Variants in GALNTL6 observed in about 807,000 individuals in gnomAD.
GALNTL6 encodes polypeptide N-acetylgalactosaminyltransferase like 6, also known as polypeptide N-acetylgalactosaminyltransferase-like 6.
Under a neutral mutation model 73.7 loss-of-function variants are expected in GALNTL6, and 46 were observed. The ratio of observed to expected loss-of-function variants is 0.62; its 90% CI spans 0.49 to 0.80. GALNTL6 has a LOEUF of 0.80. GALNTL6 is among the 30% of genes least tolerant of loss of function. GALNTL6 has a pLI of 0.00. For synonymous variants in GALNTL6, 259 were observed against 263.7 expected, an observed-to-expected ratio of 0.98 and a Z score of 0.17; for missense variants, 604 against 755.0, an observed-to-expected ratio of 0.80 and a Z score of 2.34.
intron 5 of GALNTL6, among the ~76,000 whole-genome samples, chr4:172,673,507 T>C (rs191069302): frequency 6.6e-6 from 1 of 152,294 alleles, no homozygotes; most frequent in East Asian, 1.9e-4. Flanking sequence ...CAGTGCTGAG[T>C]TCAGGTCCTA....
At chr4:172,135,766 TAATC>T (rs143423503) in intron 2 of GALNTL6, among the ~76,000 whole-genome samples, 67,153 of 151,460 alleles carry the variant, frequency 0.44, 15,495 homozygotes, top group African/African-American at 0.56. Context: ...AATACAATAA[TAATC>T]AATATATGAG....
rs556094960 is a variant in GALNTL6 at position 172,194,048 on chromosome 4, A to G, written c.139-35608A>G. ...GTAGTAACAAACTTCTTTGAGCTAC[A>G]GGAGTATGTTCTGACCCAAAGCAAA... On this transcript the variant is annotated intron_variant, in intron 2 of 12. Coordinates refer to ENST00000506823, the MANE Select transcript of GALNTL6 (RefSeq NM_001034845.3). Among the ~76,000 whole-genome samples the G allele has an allele frequency of 4.6e-5, 7 of 152,302 alleles. No homozygotes were observed. The South Asian group carries it at 1.2e-3, about 27-fold the overall frequency.
intron 2 of GALNTL6, among the ~76,000 whole-genome samples, chr4:172,164,258 A>G (rs924777054): frequency 6.6e-6 from 1 of 152,076 alleles, no homozygotes; most frequent in African/African-American, 2.4e-5. Flanking sequence ...GATGAATGGT[A>G]AAAATAAAGT....
chr4:172,021,007 A>C (rs555020458), intron 2 of GALNTL6, among the ~76,000 whole-genome samples: 2 of 152,070 alleles, frequency 1.3e-5, no homozygotes, highest in Non-Finnish European at 2.9e-5. Flanking sequence ...ACATACACAA[A>C]TCAATCAATG....
intron 10 of GALNTL6, among the ~76,000 whole-genome samples, chr4:172,952,877 C>T (rs905814566): frequency 1.3e-5 from 2 of 152,240 alleles, no homozygotes; most frequent in Non-Finnish European, 2.9e-5. Flanking sequence ...TCACCATCGG[C>T]GTTTGTAGAG....
chr4:171,856,303 C>T (rs1040488421), intron 2 of GALNTL6, among the ~76,000 whole-genome samples: 8 of 150,268 alleles, frequency 5.3e-5, no homozygotes, highest in South Asian at 4.2e-4. Context: ...TAATTAGAGA[C>T]GGGGTTTTGC....
intron 4 of GALNTL6, among the ~76,000 whole-genome samples, chr4:172,323,357 G>A (rs1261543960): frequency 6.6e-6 from 1 of 152,106 alleles, no homozygotes; most frequent in Non-Finnish European, 1.5e-5. Context: ...GATTAGAATA[G>A]AAAAACAGTG....
intron 5 of GALNTL6, among the ~76,000 whole-genome samples, chr4:172,568,651 G>A (rs1200924060): frequency 2.0e-5 from 3 of 149,878 alleles, no homozygotes; most frequent in South Asian, 4.3e-4. Flanking sequence ...CCAGCTACTC[G>A]GGAGGCTGAG....
chr4:172,926,238 T>C (rs932769820), intron 8 of GALNTL6, among the ~76,000 whole-genome samples: 1 of 152,146 alleles, frequency 6.6e-6, no homozygotes, highest in Non-Finnish European at 1.5e-5. Context: ...ACTAATTCTA[T>C]CCTTGAGAAC....
intron 7 of GALNTL6, among the ~76,000 whole-genome samples, chr4:172,852,898 G>A (rs1379248380): frequency 6.6e-6 from 1 of 151,852 alleles, no homozygotes; most frequent in African/African-American, 2.4e-5. Context: ...GAAGAGCCAA[G>A]GAAAAATCAC....
At chr4:172,652,425 G>A (rs138451545) in intron 5 of GALNTL6, among the ~76,000 whole-genome samples, 2 of 152,326 alleles carry the variant, frequency 1.3e-5, no homozygotes, top group African/African-American at 2.4e-5. Context: ...TTCCAAGGAA[G>A]GTAAGATCAT....
At chr4:172,394,724 G>T (rs996175215) in intron 5 of GALNTL6, among the ~76,000 whole-genome samples, 17 of 151,992 alleles carry the variant, frequency 1.1e-4, no homozygotes, top group African/African-American at 3.9e-4. Flanking sequence ...GAGCCACCAC[G>T]CCCGGCCCTT....
At chr4:172,137,948 T>C (rs1258638114) in intron 2 of GALNTL6, among the ~76,000 whole-genome samples, 1 of 152,182 alleles carries the variant, frequency 6.6e-6, no homozygotes, top group African/African-American at 2.4e-5. Flanking sequence ...AGAGTAGTGA[T>C]TGCCGAAAGC....
intron 5 of GALNTL6, among the ~76,000 whole-genome samples, chr4:172,477,026 G>A (rs1299804516): frequency 2.0e-5 from 3 of 147,912 alleles, no homozygotes; most frequent in South Asian, 2.2e-4. Context: ...CCGGGTTCAC[G>A]CCATTCCCCT....
At chr4:172,993,175 A>G (rs1314560799) in intron 10 of GALNTL6, among the ~76,000 whole-genome samples, 2 of 152,238 alleles carry the variant, frequency 1.3e-5, no homozygotes, top group Admixed American at 6.5e-5. Context: ...AAAGTGAAAC[A>G]GGTCCTAAGG....
chr4:172,374,062 T>C (rs964200541), intron 5 of GALNTL6, among the ~76,000 whole-genome samples: 1 of 152,208 alleles, frequency 6.6e-6, no homozygotes, highest in Admixed American at 6.5e-5. Flanking sequence ...ATCTTCGTTC[T>C]CTGGAGCAGT....
At position 172,900,134 on chromosome 4, in the gene GALNTL6, G is replaced by A. The variant is rs138807260; in HGVS notation, c.1041+17227G>A. The stretch of plus-strand genomic sequence containing the variant: ...AAGATGGAGTTGTTCTGGTTAAAAC[G>A]CATCTGACAGAAGTACACACCAGAT... On this transcript the variant is annotated intron_variant, in intron 8 of 12. Coordinates refer to ENST00000506823, the MANE Select transcript of GALNTL6 (RefSeq NM_001034845.3). Among the ~76,000 whole-genome samples, 342 of 152,210 alleles carry A rather than the reference G, an allele frequency of 2.2e-3. 1 individual carries two copies. Among genetic ancestry groups the A allele is most frequent in the African/African-American group, 7.5e-3 (313 of 41,536 alleles).
chr4:172,598,628 G>A (rs572389300), intron 5 of GALNTL6, among the ~76,000 whole-genome samples: 1 of 151,870 alleles, frequency 6.6e-6, no homozygotes, highest in Admixed American at 6.6e-5. Flanking sequence ...TACGTCTACA[G>A]TTCCATGATG....
At chr4:172,523,370 A>G (rs1000433894) in intron 5 of GALNTL6, among the ~76,000 whole-genome samples, 3 of 151,884 alleles carry the variant, frequency 2.0e-5, no homozygotes, top group Non-Finnish European at 4.4e-5. Flanking sequence ...TTATTTATCT[A>G]TTTATTTATT....
Sources: allele counts gnomAD v4.1 joint callset (sites outside exome capture counted in the v4.1 genomes callset), GRCh38; gene constraint gnomAD v4.1.1; transcripts MANE v1.5; gene names NCBI Gene and HGNC (gene_info 2026-07-23, HGNC 2026-07-21).